DDR2: variants seen among roughly 807,000 people sequenced by gnomAD.
The protein encoded by DDR2 is discoidin domain-containing receptor 2.
In DDR2, 27 loss-of-function variants were observed where a neutral mutation model predicts 94.9. The observed-to-expected ratio is 0.28, with a 90% CI of 0.21 to 0.39. The LOEUF (loss-of-function observed/expected upper bound fraction) is 0.39, where lower values mean the gene tolerates loss of function less well. DDR2 is among the 10% of genes least tolerant of loss of function. The pLI is 1.00. For missense variants in DDR2, 783 were observed against 1,076.0 expected (o/e 0.73, Z 3.81); for synonymous variants, 382 against 377.2 (o/e 1.01, Z -0.15).
intron 2 of DDR2, among the ~76,000 whole-genome samples, chr1:162,690,875 G>A (rs185539272): frequency 2.6e-4 from 39 of 152,264 alleles, no homozygotes; most frequent in African/African-American, 8.9e-4. Context: ...CTCTAAAAAC[G>A]GACCTACAGT....
intron 3 of DDR2, among the ~76,000 whole-genome samples, chr1:162,744,710 C>A (rs1662767844): frequency 2.0e-5 from 3 of 150,926 alleles, no homozygotes; most frequent in Admixed American, 2.0e-4. Flanking sequence ...GAATAAGATT[C>A]CATTGTAGGT....
chr1:162,680,225 G>C (rs1358793597), intron 2 of DDR2, among the ~76,000 whole-genome samples: 1 of 152,090 alleles, frequency 6.6e-6, no homozygotes, highest in East Asian at 1.9e-4. Context: ...GTCCAGAATG[G>C]TATTTCCTAG....
intron 1 of DDR2, among the ~76,000 whole-genome samples, chr1:162,644,250 A>G (rs1309280047): frequency 7.9e-5 from 12 of 152,160 alleles, no homozygotes. Flanking sequence ...GTGGGAGTGG[A>G]GAAGAGACTG....
intron 17 of DDR2, 78 bp from the exon 18 acceptor site, chr1:162,780,034 A>T (rs1647808575): frequency 1.9e-6 from 3 of 1,601,798 alleles, no homozygotes; most frequent in Non-Finnish European, 2.6e-6. Context: ...CATGATGCAA[A>T]GATACTTCCC....
chr1:162,773,857 C>G (rs1479232724), intron 14 of DDR2, among the ~76,000 whole-genome samples: 1 of 152,216 alleles, frequency 6.6e-6, no homozygotes, highest in Non-Finnish European at 1.5e-5. Flanking sequence ...AAGCACTGTA[C>G]TTGTTCCCAA....
chr1:162,686,901 A>G, intron 2 of DDR2, among the ~76,000 whole-genome samples: 1 of 152,204 alleles, frequency 6.6e-6, no homozygotes, highest in East Asian at 1.9e-4. Flanking sequence ...TTTGTTGACG[A>G]CAAAAAGTTG....
At chr1:162,699,598 G>A (rs1487270092) in intron 2 of DDR2, among the ~76,000 whole-genome samples, 1 of 152,192 alleles carries the variant, frequency 6.6e-6, no homozygotes, top group Non-Finnish European at 1.5e-5. Flanking sequence ...CCAGCAGGTG[G>A]TTGGATACAG....
chr1:162,781,983 T>A lies in DDR2; in HGVS notation c.*1737T>A, dbSNP rs750829027. 6 of 152,268 alleles carry A rather than the reference T, an allele frequency of 3.9e-5. No individual in the cohort carries two copies. The highest frequency in any genetic ancestry group is 8.8e-5 in the Non-Finnish European group (6 of 68,076). 9.4% of individuals were successfully genotyped at this position (152,268 alleles called of 1,614,324 possible). A position where few individuals can be genotyped will look rare whatever the true frequency, so the allele number is the denominator to read the frequency against. ...TTCAGCATTGCTCCACGCCACAGCA[T>A]AAGCATAGATCCCAAGTCCACAGGC... On this transcript the variant is annotated 3_prime_UTR_variant, in exon 18 of 18. Coordinates refer to ENST00000367921, the MANE Select transcript of DDR2 (RefSeq NM_006182.4).
intron 14 of DDR2, among the ~76,000 whole-genome samples, chr1:162,775,178 A>G (rs1169161240): frequency 6.6e-6 from 1 of 152,172 alleles, no homozygotes; most frequent in African/African-American, 2.4e-5. Context: ...GAGAAAATAA[A>G]GAGTAATCAG....
At chr1:162,756,390 G>A (rs371165105) in intron 7 of DDR2, among the ~76,000 whole-genome samples, 16 of 152,172 alleles carry the variant, frequency 1.1e-4, no homozygotes, top group African/African-American at 3.9e-4. Context: ...GCCTGAAGTG[G>A]ATCAAAGGAG....
chr1:162,771,084 C>T (rs968434686), intron 12 of DDR2, among the ~76,000 whole-genome samples: 1 of 152,198 alleles, frequency 6.6e-6, no homozygotes, highest in Admixed American at 6.5e-5. Context: ...AAACATTTCT[C>T]ACCTTTTCTC....
chr1:162,641,989 C>T (rs954586319), intron 1 of DDR2, among the ~76,000 whole-genome samples: 22 of 152,252 alleles, frequency 1.4e-4, no homozygotes, highest in East Asian at 1.9e-4. Context: ...CTCTCCCTGT[C>T]GCCCAGGCTA....
chr1:162,641,784 T>G (rs1657139604), intron 1 of DDR2, among the ~76,000 whole-genome samples: 1 of 152,206 alleles, frequency 6.6e-6, no homozygotes, highest in African/African-American at 2.4e-5. Flanking sequence ...GTACTGGACT[T>G]ACTATCAGAA....
chr1:162,737,222 T>C (rs1315098583), intron 3 of DDR2, among the ~76,000 whole-genome samples: 1 of 150,698 alleles, frequency 6.6e-6, no homozygotes, highest in Non-Finnish European at 1.5e-5. Flanking sequence ...GTTAGTTACA[T>C]ATGTATACAT....
chr1:162,673,378 C>T (rs975331789), intron 2 of DDR2, among the ~76,000 whole-genome samples: 1 of 151,984 alleles, frequency 6.6e-6, no homozygotes, highest in South Asian at 2.1e-4. Context: ...CACATAGGGC[C>T]GATTTCTCTT....
intron 3 of DDR2, among the ~76,000 whole-genome samples, chr1:162,719,848 C>A (rs1363828050): frequency 6.6e-6 from 1 of 152,064 alleles, no homozygotes; most frequent in Non-Finnish European, 1.5e-5. Flanking sequence ...TCAAGCATAA[C>A]TGGAAGTCAG....
intron 2 of DDR2, among the ~76,000 whole-genome samples, chr1:162,685,734 T>C (rs1469295261): frequency 6.6e-6 from 1 of 152,116 alleles, no homozygotes; most frequent in Non-Finnish European, 1.5e-5. Flanking sequence ...TATTAAGTAG[T>C]TTTTCTGTAG....
intron 2 of DDR2, among the ~76,000 whole-genome samples, chr1:162,708,718 G>C (rs891213538): frequency 1.3e-5 from 2 of 152,190 alleles, no homozygotes; most frequent in African/African-American, 4.8e-5. Context: ...TCACAGGATG[G>C]ACCAAATGAA....
At chr1:162,741,679 A>T (rs767524034) in intron 3 of DDR2, 34 of 985,164 alleles carry the variant, frequency 3.5e-5, no homozygotes, top group Middle Eastern at 5.2e-4. Flanking sequence ...GAGGTGCCTG[A>T]GGGAGACATA....
Sources: allele counts gnomAD v4.1 joint callset (sites outside exome capture counted in the v4.1 genomes callset), GRCh38; gene constraint gnomAD v4.1.1; transcripts MANE v1.5; gene names NCBI Gene and HGNC (gene_info 2026-07-23, HGNC 2026-07-21).